Variants in KCNIP4 observed in about 807,000 individuals in gnomAD.
KCNIP4 encodes Kv channel-interacting protein 4.
KCNIP4 carries 12 observed loss-of-function variants against 34.0 expected under a neutral mutation model. That is an observed-to-expected ratio of 0.35 (90% confidence interval 0.23 to 0.57). The LOEUF (loss-of-function observed/expected upper bound fraction) is 0.57, where lower values mean the gene tolerates loss of function less well. KCNIP4 is among the 20% of genes least tolerant of loss of function. The pLI, the probability that KCNIP4 is intolerant of heterozygous loss-of-function variation, is 0.83. For missense variants in KCNIP4, 238 were observed against 311.7 expected (o/e 0.76, Z 1.78); for synonymous variants, 124 against 102.2 (o/e 1.21, Z -1.29).
chr4:21,836,478 G>A (rs1415820218), intron 1 of KCNIP4, among the ~76,000 whole-genome samples: 4 of 151,986 alleles, frequency 2.6e-5, no homozygotes, highest in Non-Finnish European at 5.9e-5. Flanking sequence ...AGAGAATGGT[G>A]TTTGCACTCC....
At chr4:21,481,290 T>G (rs2109833407) in intron 1 of KCNIP4, among the ~76,000 whole-genome samples, 1 of 152,274 alleles carries the variant, frequency 6.6e-6, no homozygotes, top group East Asian at 1.9e-4. Flanking sequence ...GAGCAGTGCT[T>G]TGACAGGTTT....
chr4:21,083,592 G>T (rs925151657), intron 1 of KCNIP4, among the ~76,000 whole-genome samples: 1 of 151,736 alleles, frequency 6.6e-6, no homozygotes, highest in African/African-American at 2.4e-5. Flanking sequence ...CTGAGTCAGA[G>T]ATTGGAGTTA....
intron 1 of KCNIP4, among the ~76,000 whole-genome samples, chr4:21,824,597 ACT>A (rs1342322401): frequency 6.6e-6 from 1 of 151,580 alleles, no homozygotes; most frequent in Non-Finnish European, 1.5e-5. Context: ...AGTACTCCAC[ACT>A]CTCTGGCCTT....
At chr4:21,206,181 A>G (rs1756839899) in intron 1 of KCNIP4, among the ~76,000 whole-genome samples, 1 of 152,220 alleles carries the variant, frequency 6.6e-6, no homozygotes, top group African/African-American at 2.4e-5. Context: ...GTTCATCTTG[A>G]TATAAAGTAA....
chr4:21,897,981 G>A (rs1727493938), intron 1 of KCNIP4, among the ~76,000 whole-genome samples: 4 of 152,112 alleles, frequency 2.6e-5, no homozygotes, highest in African/African-American at 9.7e-5. Flanking sequence ...GTGATTATGG[G>A]ACTTTGCATT....
intron 1 of KCNIP4, among the ~76,000 whole-genome samples, chr4:21,045,361 C>G (rs887274684): frequency 1.3e-5 from 2 of 152,202 alleles, no homozygotes; most frequent in African/African-American, 2.4e-5. Flanking sequence ...CCAGATGATG[C>G]TAATTTTGCT....
intron 1 of KCNIP4, among the ~76,000 whole-genome samples, chr4:21,576,042 G>A (rs1362661908): frequency 6.6e-6 from 1 of 152,116 alleles, no homozygotes; most frequent in African/African-American, 2.4e-5. Flanking sequence ...TAAACTATTT[G>A]GTTAAACAAC....
intron 1 of KCNIP4, among the ~76,000 whole-genome samples, chr4:21,240,301 C>T (rs1324528141): frequency 6.8e-6 from 1 of 147,034 alleles, no homozygotes; most frequent in African/African-American, 2.7e-5. Flanking sequence ...GTGCAGCACA[C>T]CAACATGGCA....
intron 1 of KCNIP4, among the ~76,000 whole-genome samples, chr4:21,629,724 A>G (rs955621548): frequency 3.3e-5 from 5 of 152,142 alleles, no homozygotes; most frequent in Admixed American, 1.3e-4. Flanking sequence ...TTTTGACTAG[A>G]AACATCAAGA....
In KCNIP4 at chr4:21,021,621, G is replaced by A. The variant is rs1354816400; in HGVS notation, c.62-138912C>T. On this transcript the variant is annotated intron_variant, in intron 1 of 8. Transcript: ENST00000382152. ...AGGCTAAGACACAAACACAACATTA[G>A]CCTAGACCTATACATGGCCAGGATC... Among the ~76,000 whole-genome samples the A allele has an allele frequency of 2.6e-5, 4 of 151,936 alleles. No homozygotes were observed. The East Asian group carries it at 7.8e-4, about 29-fold the overall frequency.
intron 1 of KCNIP4, among the ~76,000 whole-genome samples, chr4:21,575,723 T>C (rs1398458088): frequency 3.3e-5 from 5 of 152,244 alleles, no homozygotes; most frequent in Non-Finnish European, 5.9e-5. Flanking sequence ...TGTGATAGTT[T>C]ATAACAAACC....
intron 1 of KCNIP4, among the ~76,000 whole-genome samples, chr4:21,915,352 G>T (rs919440030): frequency 2.0e-5 from 3 of 152,194 alleles, no homozygotes; most frequent in Non-Finnish European, 4.4e-5. Flanking sequence ...TAATCTTATT[G>T]AGACTCTTCT....
rs1297671471 is a variant in KCNIP4, at chr4:21,230,173, G to A, written c.62-347464C>T. 2.6e-5 allele frequency among the ~76,000 whole-genome samples: 4 copies of A among 151,912 alleles called. No homozygotes were observed. The East Asian group carries it at 7.8e-4, about 29-fold the overall frequency. On this transcript the variant is annotated intron_variant, in intron 1 of 8. Coordinates refer to ENST00000382152, the MANE Select transcript of KCNIP4 (RefSeq NM_025221.6). ...TGGAAGACAGAGGCGGAAACTGGAG[G>A]GATGCAGCTATCAGCCAAGAAATGC... is the stretch of plus-strand genomic sequence containing the variant.
At chr4:21,378,107 C>T (rs1721145220) in intron 1 of KCNIP4, among the ~76,000 whole-genome samples, 1 of 152,158 alleles carries the variant, frequency 6.6e-6, no homozygotes. Context: ...ATCTAGGTTA[C>T]ACTTAATAGC....
intron 1 of KCNIP4, among the ~76,000 whole-genome samples, chr4:21,581,433 G>A (rs2109072497): frequency 6.6e-6 from 1 of 152,016 alleles, no homozygotes; most frequent in East Asian, 1.9e-4. Flanking sequence ...TCGGGGGGAG[G>A]TAAAGAAGAT....
At chr4:21,311,694 AAG>A (rs1482772992) in intron 1 of KCNIP4, among the ~76,000 whole-genome samples, 7 of 141,948 alleles carry the variant, frequency 4.9e-5, no homozygotes, top group African/African-American at 1.7e-4. Flanking sequence ...TCTCAAAAAA[AAG>A]AAAAAAAATG....
chr4:21,558,471 G>A lies in KCNIP4; in HGVS notation c.61+390100C>T, dbSNP rs1453318535. On this transcript the variant is annotated intron_variant, in intron 1 of 8. Transcript: ENST00000382152. ...CACGCCACTACACTTCAGCCTGGGC[G>A]GCAGAGTGAGATTCTGTCTCAAAAA... Among the ~76,000 whole-genome samples the A allele has an allele frequency of 3.5e-5, 4 of 114,702 alleles. No individual in the cohort carries two copies. In the East Asian group the frequency reaches 9.8e-4, roughly 28 times the overall value. 75.2% of individuals were successfully genotyped at this position (114,702 alleles called of 152,430 possible).
intron 1 of KCNIP4, among the ~76,000 whole-genome samples, chr4:21,813,193 T>C (rs1251867743): frequency 6.6e-6 from 1 of 152,196 alleles, no homozygotes; most frequent in African/African-American, 2.4e-5. Context: ...GAACAATTCA[T>C]ATCACCTCTG....
intron 3 of KCNIP4, among the ~76,000 whole-genome samples, chr4:20,785,993 G>A (rs1349581037): frequency 2.0e-5 from 3 of 152,008 alleles, no homozygotes; most frequent in Admixed American, 2.0e-4. Flanking sequence ...AAAGACACAT[G>A]CACTCATACG....
Sources: allele counts gnomAD v4.1 joint callset (sites outside exome capture counted in the v4.1 genomes callset), GRCh38; gene constraint gnomAD v4.1.1; transcripts MANE v1.5; gene names NCBI Gene and HGNC (gene_info 2026-07-23, HGNC 2026-07-21).